Variants in MYRF observed in about 807,000 individuals in gnomAD.
The protein encoded by MYRF is myelin regulatory factor, also known as myelin gene regulatory factor.
In MYRF, 16 loss-of-function variants were observed where a neutral mutation model predicts 126.3. The ratio of observed to expected loss-of-function variants is 0.13; its 90% CI spans 0.09 to 0.19. The LOEUF is 0.19. Among genes scored for constraint, MYRF ranks in the 10% least tolerant of loss-of-function variants. MYRF has a pLI of 1.00. For synonymous variants in MYRF, 608 were observed against 635.3 expected (o/e 0.96, Z 0.65); for missense variants, 1,104 against 1,547.0 (o/e 0.71, Z 4.80).
intron 1 of MYRF, among the ~76,000 whole-genome samples, chr11:61,760,581 G>A (rs2065870903): frequency 6.6e-6 from 1 of 152,244 alleles, no homozygotes; most frequent in South Asian, 2.1e-4. Flanking sequence ...GAGCACGTGT[G>A]CAGCAAGGCG....
chr11:61,777,197 C>G lies in MYRF; in HGVS notation c.1591-67C>G. The G allele has an allele frequency of 6.5e-7, 1 of 1,528,118 alleles. No individual in the cohort carries two copies. Among genetic ancestry groups the G allele is most frequent in the Non-Finnish European group, 8.9e-7 (1 of 1,120,496 alleles). The allele number at this position is 1,528,118 out of a possible 1,614,324, so 94.7% of individuals were successfully genotyped here. ...GGAGGGGCTGCTGTGGAGTTTCCCC[C>G]TGCTCCCAGGGCCCTGCAGGTCCCC... On this transcript the variant is annotated intron_variant, in intron 11 of 26. Transcript: ENST00000278836. This position sits in a 1 kb window ranked among gnomAD's most constrained non-coding sequence, Gnocchi z 8.8.
Position 61,781,784 on chromosome 11 carries a change from C to G in MYRF, c.2976C>G (p.Ser992Arg), listed in dbSNP as rs369701881. ...GRARRGALQSSVGPAEPTWAQ... is the reference protein window; with the variant it reads ...GRARRGALQSRVGPAEPTWAQ... ...CCCGCCGAGGGGCCCTCCAGTCCAG[C>G]GTGGGCCCTGCTGAGCCCACCTGGG... The change falls in exon 22 of 27, where the codon AGC becomes AGG. Residue 992 changes from serine to arginine, a missense_variant. Ser to Arg is a moderately radical substitution (Grantham distance 110, BLOSUM62 -1). Transcript: ENST00000278836. 6.2e-7 allele frequency: 1 copy of G among 1,602,572 alleles called. No individual in the cohort carries two copies. The highest frequency in any genetic ancestry group is 8.5e-7 in the Non-Finnish European group (1 of 1,175,570).
Sources: gnomAD v4.1 joint callset for allele counts (sites outside exome capture counted in the v4.1 genomes callset) on GRCh38, gnomAD v4.1.1 for gene constraint, Gnocchi (gnomAD v3.1) non-coding constraint, MANE v1.5 for transcripts, NCBI Gene and HGNC (gene_info 2026-07-23, HGNC 2026-07-21) for gene names.